LMBRD1: variants seen among roughly 807,000 people sequenced by gnomAD.
LMBRD1 encodes the protein lysosomal cobalamin transport escort protein LMBD1.
LMBRD1 carries 64 observed loss-of-function variants against 74.8 expected under a neutral mutation model. That is an observed-to-expected ratio of 0.86 (90% CI 0.70 to 1.05). LMBRD1 has a LOEUF of 1.05. Among genes scored for constraint, LMBRD1 ranks in the 50% least tolerant of loss-of-function variants. LMBRD1 has a pLI of 0.00. For synonymous variants in LMBRD1, 204 were observed against 216.3 expected, an observed-to-expected ratio of 0.94 and a Z score of 0.50; for missense variants, 652 against 645.9, an observed-to-expected ratio of 1.01 and a Z score of -0.10.
chr6:69,709,521 T>C (rs1407144338), intron 9 of LMBRD1, among the ~76,000 whole-genome samples: 3 of 152,136 alleles, frequency 2.0e-5, no homozygotes, highest in African/African-American at 4.8e-5. Flanking sequence ...AAATGACACA[T>C]TTACTAACAA....
At chr6:69,714,046 GGAGA>G (rs775970575) in intron 8 of LMBRD1, among the ~76,000 whole-genome samples, 21 of 151,962 alleles carry the variant, frequency 1.4e-4, no homozygotes, top group Non-Finnish European at 2.9e-4. Flanking sequence ...AGAGTTATGT[GGAGA>G]GAGATAACCA....
chr6:69,712,254 TA>T (rs1269906115), intron 9 of LMBRD1, among the ~76,000 whole-genome samples: 6 of 152,156 alleles, frequency 3.9e-5, no homozygotes, highest in African/African-American at 1.4e-4. Context: ...TCAGCCATAT[TA>T]AAGTGATCTT....
intron 4 of LMBRD1, among the ~76,000 whole-genome samples, chr6:69,751,579 C>A (rs1352226399): frequency 6.6e-6 from 1 of 152,156 alleles, no homozygotes; most frequent in Non-Finnish European, 1.5e-5. Context: ...CCGCCCGCCT[C>A]GGCCTCCCAA....
chr6:69,776,359 G>T (rs1470121227), intron 3 of LMBRD1, among the ~76,000 whole-genome samples: 1 of 152,122 alleles, frequency 6.6e-6, no homozygotes, highest in East Asian at 1.9e-4. Context: ...AAACCTTTTT[G>T]ATCAGTTTCT....
In LMBRD1 at chr6:69,755,963, T is replaced by C. The variant is rs560953242; in HGVS notation, c.308-3607A>G. On this transcript the variant is annotated intron_variant, in intron 3 of 15. Coordinates refer to ENST00000649934, the MANE Select transcript of LMBRD1 (RefSeq NM_018368.4). The stretch of plus-strand genomic sequence containing the variant: ...AATCTTTTGAACACCTAAGTTACCA[T>C]TATATTTAATTAGCATAGCAAAGTA... 3.3e-5 allele frequency among the ~76,000 whole-genome samples: 5 copies of C among 152,322 alleles called. No individual in the cohort carries two copies. In the South Asian group the frequency reaches 1.0e-3, roughly 32 times the overall value.
At chr6:69,707,109 A>G (rs549342772) in intron 9 of LMBRD1, among the ~76,000 whole-genome samples, 1 of 152,190 alleles carries the variant, frequency 6.6e-6, no homozygotes, top group Non-Finnish European at 1.5e-5. Flanking sequence ...TTTGTTAGCT[A>G]TCATTTGGGA....
rs544323762 is a variant in LMBRD1, at chr6:69,749,278, A to AT, written c.473+62dup. The AT allele has an allele frequency of 8.2e-3, 9,268 of 1,124,612 alleles. 1 individual carries two copies. Among genetic ancestry groups the AT allele is most frequent in the South Asian group, 9.3e-3 (605 of 64,930 alleles). The allele number at this position is 1,124,612 out of a possible 1,614,324, so 69.7% of individuals were successfully genotyped here. Reference sequence around the variant, plus strand: ...CTAGATTTTTCTGAATGATCCTTTTATTTTTTTTTTCAAATAATTCTATTT... The same window carrying AT: ...CTAGATTTTTCTGAATGATCCTTTTATTTTTTTTTTTCAAATAATTCTATTT... On this transcript the variant is annotated intron_variant, in intron 5 of 15. Coordinates refer to ENST00000649934, the MANE Select transcript of LMBRD1 (RefSeq NM_018368.4).
At chr6:69,740,189 G>A (rs1469927765) in intron 6 of LMBRD1, among the ~76,000 whole-genome samples, 1 of 152,068 alleles carries the variant, frequency 6.6e-6, no homozygotes, top group Non-Finnish European at 1.5e-5. Flanking sequence ...GATGAGAGAC[G>A]AAAGGACTAA....
At chr6:69,759,070 A>G (rs1765323224) in intron 3 of LMBRD1, among the ~76,000 whole-genome samples, 1 of 152,188 alleles carries the variant, frequency 6.6e-6, no homozygotes, top group African/African-American at 2.4e-5. Flanking sequence ...AAGTACTCCC[A>G]GATGTCTAGT....
intron 3 of LMBRD1, among the ~76,000 whole-genome samples, chr6:69,769,612 G>A (rs1403327168): frequency 1.3e-5 from 2 of 151,848 alleles, no homozygotes; most frequent in East Asian, 3.9e-4. Flanking sequence ...TCTGTATTAC[G>A]CTTTTTGCTC....
intron 7 of LMBRD1, among the ~76,000 whole-genome samples, chr6:69,723,188 G>C (rs904524489): frequency 1.3e-5 from 2 of 152,050 alleles, no homozygotes; most frequent in Admixed American, 6.6e-5. Context: ...AATATTATTA[G>C]AGTTAGAGAG....
intron 4 of LMBRD1, 112 bp downstream of exon 4, chr6:69,752,147 A>G: frequency 1.0e-6 from 1 of 961,196 alleles, no homozygotes; most frequent in South Asian, 1.6e-5. Flanking sequence ...CTAACATTGT[A>G]TTTCTATTAG....
chr6:69,765,317 A>G (rs531976785), intron 3 of LMBRD1, among the ~76,000 whole-genome samples: 1 of 152,310 alleles, frequency 6.6e-6, no homozygotes, highest in Non-Finnish European at 1.5e-5. Flanking sequence ...GGCTCAAAAA[A>G]AATCATTTTT....
intron 14 of LMBRD1, among the ~76,000 whole-genome samples, chr6:69,689,053 C>A (rs576150912): frequency 3.9e-5 from 6 of 152,072 alleles, no homozygotes; most frequent in Non-Finnish European, 8.8e-5. Flanking sequence ...GGTTTCAAGA[C>A]TTCTATAAGG....
At chr6:69,794,278 C>T (rs1766161606) in intron 1 of LMBRD1, among the ~76,000 whole-genome samples, 1 of 152,042 alleles carries the variant, frequency 6.6e-6, no homozygotes, top group African/African-American at 2.4e-5. Context: ...TTGTATTCTT[C>T]ACCACAAGTT....
chr6:69,751,636 A>G (rs995483882), intron 4 of LMBRD1, among the ~76,000 whole-genome samples: 4 of 152,180 alleles, frequency 2.6e-5, no homozygotes, highest in African/African-American at 9.6e-5. Flanking sequence ...CCAAAAAAAA[A>G]GTCAGCCTTA....
At chr6:69,773,156 G>A (rs1765610119) in intron 3 of LMBRD1, among the ~76,000 whole-genome samples, 1 of 152,110 alleles carries the variant, frequency 6.6e-6, no homozygotes, top group Non-Finnish European at 1.5e-5. Context: ...GGGAGGTAGG[G>A]CCTAATGGGA....
At chr6:69,699,246 T>TA in intron 12 of LMBRD1, 54 bp from the exon 13 acceptor site, 1 of 1,463,774 alleles carries the variant, frequency 6.8e-7, no homozygotes, top group Non-Finnish European at 9.6e-7. Flanking sequence ...TATAAAGCAT[T>TA]AAATCCTTTT....
intron 3 of LMBRD1, among the ~76,000 whole-genome samples, chr6:69,778,632 C>T (rs1442868777): frequency 6.6e-6 from 1 of 152,166 alleles, no homozygotes; most frequent in Non-Finnish European, 1.5e-5. Context: ...ATACAGGTGA[C>T]AGACCTCCCC....
Sources: gnomAD v4.1 joint callset for allele counts (sites outside exome capture counted in the v4.1 genomes callset) on GRCh38, gnomAD v4.1.1 for gene constraint, MANE v1.5 for transcripts, NCBI Gene and HGNC (gene_info 2026-07-23, HGNC 2026-07-21) for gene names.